ARSG: variants seen among roughly 807,000 people sequenced by gnomAD.
ARSG encodes arylsulfatase G, also known as ASG.
Under a neutral mutation model 50.5 loss-of-function variants are expected in ARSG, and 37 were observed. The ratio of observed to expected loss-of-function variants is 0.73; its 90% CI spans 0.56 to 0.96. The LOEUF is 0.96. Among genes scored for constraint, ARSG ranks in the 50% least tolerant of loss-of-function variants. The pLI is 0.00. For missense variants in ARSG, 629 were observed against 675.3 expected, an observed-to-expected ratio of 0.93 and a Z score of 0.76; for synonymous variants, 225 against 254.6, an observed-to-expected ratio of 0.88 and a Z score of 1.11.
At chr17:68,448,677 A>G in the ARSG span, among the ~76,000 whole-genome samples, 6 of 152,232 alleles carry the variant, frequency 3.9e-5, no homozygotes, top group African/African-American at 1.4e-4. Context: ...CGGTCTTTAC[A>G]GATCATTTGC....
upstream of ARSG, among the ~76,000 whole-genome samples, chr17:68,289,850 G>C (rs1241416851): frequency 1.3e-5 from 2 of 152,130 alleles, no homozygotes; most frequent in African/African-American, 4.8e-5. Context: ...ACACTGGAAG[G>C]AGCTTTTCCA....
At chr17:68,379,962 T>A in intron 8 of ARSG, 1 of 756,964 alleles carries the variant, frequency 1.3e-6, no homozygotes, top group Non-Finnish European at 1.6e-6. Flanking sequence ...ACAACTGACC[T>A]TTGAGCGACA....
At chr17:68,376,277 A>ATTTT (rs386386490) in intron 8 of ARSG, among the ~76,000 whole-genome samples, 3 of 125,054 alleles carry the variant, frequency 2.4e-5, no homozygotes, top group South Asian at 2.5e-4. Context: ...CGCCCCCTGC[A>ATTTT]TTTTTTTTTT....
At chr17:68,448,399 C>CGTTAGATCTTGGTTCCGAGAACT in the ARSG span, 1 of 152,188 alleles carries the variant, frequency 6.6e-6, no homozygotes, top group Non-Finnish European at 1.5e-5. Context: ...TTGGTTCCGA[C>CGTTAGATCTTGGTTCCGAGAACT]GTTAGATCTT....
chr17:68,346,111 T>G (rs887336656), intron 3 of ARSG, among the ~76,000 whole-genome samples: 14 of 152,040 alleles, frequency 9.2e-5, no homozygotes, highest in African/African-American at 3.4e-4. Context: ...CCTGGCCTCA[T>G]GTGATCCGCC....
intron 6 of ARSG, among the ~76,000 whole-genome samples, chr17:68,359,168 GACAACAACA>G (rs537819429): frequency 6.6e-6 from 1 of 151,322 alleles, no homozygotes; most frequent in Non-Finnish European, 1.5e-5. Context: ...ATCTCAAAAC[GACAACAACA>G]ACAACAACAA....
chr17:68,392,699 C>G (rs1196180683), intron 9 of ARSG, among the ~76,000 whole-genome samples: 1 of 152,106 alleles, frequency 6.6e-6, no homozygotes, highest in Admixed American at 6.6e-5. Context: ...AGGGTTTCGC[C>G]ATGTTGGCCA....
In ARSG at chr17:68,276,256, G is replaced by A. The variant is rs78557829; in HGVS notation, c.-552+16830G>A. Among the ~76,000 whole-genome samples, 111 of 151,816 alleles carry A rather than the reference G, an allele frequency of 7.3e-4. 1 individual carries two copies. In the East Asian group the frequency reaches 0.021, roughly 28 times the overall value. ...TTACAGGTGCCCACCACCACACCCG[G>A]CTAACGAGAAATTTCTACCTTACCC... On this transcript the variant is annotated intron_variant, in intron 1 of 11. Coordinates refer to the ARSG transcript ENST00000448504.
chr17:68,262,207 C>A (rs2075083026), intron 1 of ARSG, among the ~76,000 whole-genome samples: 1 of 151,600 alleles, frequency 6.6e-6, no homozygotes, highest in Non-Finnish European at 1.5e-5. Flanking sequence ...CGTAGTGGCT[C>A]ACGCCTGAAT....
chr17:68,326,765 G>A (rs1428686698), intron 2 of ARSG, among the ~76,000 whole-genome samples: 6 of 152,182 alleles, frequency 3.9e-5, no homozygotes, highest in African/African-American at 1.2e-4. Flanking sequence ...GCCAAACGGG[G>A]TCCAGATCAC....
chr17:68,450,685 C>G, the ARSG span: 3 of 1,563,018 alleles, frequency 1.9e-6, no homozygotes, highest in Admixed American at 2.0e-5. Flanking sequence ...GTTTGGCTCC[C>G]GTTAGCAGAA....
downstream of ARSG, among the ~76,000 whole-genome samples, chr17:68,425,535 G>A (rs1361835167): frequency 6.6e-6 from 1 of 151,940 alleles, no homozygotes; most frequent in Non-Finnish European, 1.5e-5. Context: ...GTTTCTTAAT[G>A]AGTGTCTGCA....
In ARSG at chr17:68,310,667, C is replaced by T. The variant is rs187159906; in HGVS notation, c.218+2956C>T. 1.2e-4 allele frequency among the ~76,000 whole-genome samples: 19 copies of T among 152,298 alleles called. No individual in the cohort carries two copies. In the East Asian group the frequency reaches 3.5e-3, roughly 28 times the overall value. ...TTCGGGGGGAATCATTTCAGCTCAC[C>T]GCTTAGGATGACGCATAGGGCATCT... On this transcript the variant is annotated intron_variant, in intron 2 of 11. Transcript: ENST00000621439.
At chr17:68,352,507 T>C (rs2078845761) in intron 5 of ARSG, among the ~76,000 whole-genome samples, 1 of 134,432 alleles carries the variant, frequency 7.4e-6, no homozygotes, top group Non-Finnish European at 1.7e-5. Flanking sequence ...TTTTCTTTTT[T>C]CTTTCTTTTT....
At chr17:68,395,277 C>T in intron 10 of ARSG, 84 bp downstream of exon 10, 2 of 1,569,118 alleles carry the variant, frequency 1.3e-6, no homozygotes, top group East Asian at 2.3e-5. Context: ...ACAGAACCAT[C>T]ATCAGAAGAT....
chr17:68,265,712 G>GTT (rs11368011), intron 1 of ARSG, among the ~76,000 whole-genome samples: 2 of 134,370 alleles, frequency 1.5e-5, no homozygotes, highest in African/African-American at 2.8e-5. Context: ...CCAGTCCACT[G>GTT]TTTTTTTTTT....
At chr17:68,377,370 C>T (rs559911864) in intron 8 of ARSG, among the ~76,000 whole-genome samples, 2 of 152,370 alleles carry the variant, frequency 1.3e-5, no homozygotes, top group South Asian at 2.1e-4. Flanking sequence ...CTATCTTGCT[C>T]TTTGAACCTA....
intron 9 of ARSG, among the ~76,000 whole-genome samples, chr17:68,387,182 G>A (rs533264088): frequency 1.3e-5 from 2 of 151,960 alleles, no homozygotes; most frequent in East Asian, 3.9e-4. Context: ...AGACTGTAGT[G>A]CAGTGCCAAG....
At chr17:68,335,553 CAAAAAA>C (rs397856679) in intron 2 of ARSG, among the ~76,000 whole-genome samples, 1 of 89,870 alleles carries the variant, frequency 1.1e-5, no homozygotes, top group African/African-American at 3.7e-5. Context: ...GACTCCATCT[CAAAAAA>C]AAAAAAAAAA....
Sources: gnomAD v4.1 joint callset for allele counts (sites outside exome capture counted in the v4.1 genomes callset) on GRCh38, gnomAD v4.1.1 for gene constraint, MANE v1.5 for transcripts, NCBI Gene and HGNC (gene_info 2026-07-23, HGNC 2026-07-21) for gene names.